PEX13: variants seen among roughly 807,000 people sequenced by gnomAD.
The protein encoded by PEX13 is peroxisomal biogenesis factor 13.
In PEX13, 28 loss-of-function variants were observed where a neutral mutation model predicts 34.5. The ratio of observed to expected loss-of-function variants is 0.81; its 90% CI spans 0.60 to 1.11. The LOEUF (loss-of-function observed/expected upper bound fraction) is 1.11, where lower values mean the gene tolerates loss of function less well. PEX13 is among the 50% of genes most tolerant of loss of function. The pLI is 0.00. For missense variants in PEX13, 550 were observed against 491.0 expected, an observed-to-expected ratio of 1.12 and a Z score of -1.13; for synonymous variants, 177 against 175.1, an observed-to-expected ratio of 1.01 and a Z score of -0.09.
intron 2 of PEX13, among the ~76,000 whole-genome samples, chr2:61,035,507 G>C (rs1298395183): frequency 1.3e-5 from 2 of 152,144 alleles, no homozygotes; most frequent in Non-Finnish European, 2.9e-5. Flanking sequence ...CCAAAGGTTG[G>C]TAATAACAAA....
intron 2 of PEX13, among the ~76,000 whole-genome samples, chr2:61,040,840 TAAA>T (rs1421457532): frequency 6.8e-6 from 1 of 147,860 alleles, no homozygotes; most frequent in Non-Finnish European, 1.5e-5. Flanking sequence ...TGTATATATA[TAAA>T]AAAGTATATA....
At chr2:61,027,717 C>A (rs1455308134) in intron 1 of PEX13, among the ~76,000 whole-genome samples, 2 of 152,178 alleles carry the variant, frequency 1.3e-5, no homozygotes, top group African/African-American at 2.4e-5. Context: ...TGTTTAGTTT[C>A]TCTTCCATAA....
intron 2 of PEX13, among the ~76,000 whole-genome samples, chr2:61,036,812 C>G (rs766733613): frequency 6.6e-6 from 1 of 152,182 alleles, no homozygotes; most frequent in South Asian, 2.1e-4. Flanking sequence ...GCTAAATGCC[C>G]CAATTAAAAG....
intron 2 of PEX13, among the ~76,000 whole-genome samples, chr2:61,044,559 T>C (rs1470931512): frequency 6.6e-6 from 1 of 152,156 alleles, no homozygotes; most frequent in Non-Finnish European, 1.5e-5. Context: ...GCTAATTTTG[T>C]ATTTTTAGTA....
chr2:61,019,556 ATT>A (rs1473244950), intron 1 of PEX13, among the ~76,000 whole-genome samples: 4 of 152,106 alleles, frequency 2.6e-5, no homozygotes, highest in Non-Finnish European at 4.4e-5. Context: ...TTTCATTTGC[ATT>A]TAATCCACAT....
At chr2:61,036,130 T>C (rs1340781108) in intron 2 of PEX13, among the ~76,000 whole-genome samples, 3 of 152,012 alleles carry the variant, frequency 2.0e-5, no homozygotes, top group African/African-American at 7.3e-5. Flanking sequence ...TACGGGACTA[T>C]GTGAAAAGAC....
chr2:61,031,597 G>A lies in PEX13; in HGVS notation c.271G>A (p.Gly91Arg). The change falls in exon 2 of 4, where the codon GGA (glycine) becomes AGA (arginine). Residue 91 changes from glycine (G) to arginine (R), a missense_variant. By Grantham distance (125) the Gly-to-Arg change is moderately radical. Coordinates refer to ENST00000295030, the MANE Select transcript of PEX13 (RefSeq NM_002618.4). ...GYGAYGNSFY[G>R]GYSPYSYGYN... ...TGGTGCCTATGGAAATTCATTTTAT[G>A]GAGGCTATAGTCCTTATAGTTATGG... is the stretch of plus-strand genomic sequence containing the variant. 6.2e-7 allele frequency: 1 copy of A among 1,614,166 alleles called. No individual in the cohort carries two copies.
At chr2:61,030,028 C>T (rs1192761712) in intron 1 of PEX13, among the ~76,000 whole-genome samples, 3 of 152,024 alleles carry the variant, frequency 2.0e-5, no homozygotes, top group African/African-American at 4.8e-5. Context: ...AGGACTTGAG[C>T]ATTCATGGAT....
rs1181627618 is a variant in PEX13 at position 61,048,729 on chromosome 2, C to G, written c.1171C>G (p.Pro391Ala). ...TGAAACTAATAAGGTTCCAGTTGCA[C>G]CTGATTCCATTGGGAAAGATGGAGA... ...FVETNKVPVAPDSIGKDGEKQ... is the reference protein window; with the variant it reads ...FVETNKVPVAADSIGKDGEKQ... Residue 391 changes from proline to alanine, a missense_variant, in exon 4 of 4, where the codon CCT (proline) becomes GCT (alanine). Pro to Ala is a conservative substitution (Grantham distance 27). Transcript: ENST00000295030. The G allele has an allele frequency of 6.2e-7, 1 of 1,613,996 alleles. No homozygotes were observed. Among genetic ancestry groups the G allele is most frequent in the African/African-American group, 1.3e-5 (1 of 75,028 alleles).
chr2:61,025,913 C>T (rs900025339), intron 1 of PEX13, among the ~76,000 whole-genome samples: 1 of 152,180 alleles, frequency 6.6e-6, no homozygotes, highest in Non-Finnish European at 1.5e-5. Context: ...AGGTCCCAAT[C>T]TGAAGTGTGA....
intron 2 of PEX13, among the ~76,000 whole-genome samples, chr2:61,040,561 G>T (rs1680606136): frequency 6.6e-6 from 1 of 151,886 alleles, no homozygotes; most frequent in African/African-American, 2.4e-5. Flanking sequence ...ACAGGGCAGG[G>T]AGCATCACAC....
At chr2:61,033,369 A>G (rs1489249857) in intron 2 of PEX13, among the ~76,000 whole-genome samples, 1 of 152,238 alleles carries the variant, frequency 6.6e-6, no homozygotes, top group Non-Finnish European at 1.5e-5. Context: ...AATGAGGTAT[A>G]TAAAGGCAAA....
At chr2:61,023,990 T>C (rs554985831) in intron 1 of PEX13, among the ~76,000 whole-genome samples, 55 of 152,126 alleles carry the variant, frequency 3.6e-4, no homozygotes, top group African/African-American at 1.3e-3. Flanking sequence ...AGAGATGGGT[T>C]TTTACCATGT....
chr2:61,043,399 A>G (rs56300253), intron 2 of PEX13, among the ~76,000 whole-genome samples: 9,865 of 151,984 alleles, frequency 0.065, 1,098 homozygotes, highest in African/African-American at 0.23. Context: ...TTATTTGAGA[A>G]ATCAATGGTG....
chr2:61,035,698 C>T (rs949490555), intron 2 of PEX13, among the ~76,000 whole-genome samples: 10 of 152,008 alleles, frequency 6.6e-5, no homozygotes, highest in South Asian at 4.1e-4. Flanking sequence ...ATAGCTGATT[C>T]AATGGCCAGG....
intron 1 of PEX13, among the ~76,000 whole-genome samples, chr2:61,024,984 T>A (rs984293070): frequency 6.6e-6 from 1 of 152,232 alleles, no homozygotes; most frequent in Non-Finnish European, 1.5e-5. Context: ...CACAGTTGTT[T>A]AAAGTTTCTG....
intron 2 of PEX13, among the ~76,000 whole-genome samples, chr2:61,032,730 GA>G (rs1244645044): frequency 6.6e-6 from 1 of 152,148 alleles, no homozygotes; most frequent in Non-Finnish European, 1.5e-5. Context: ...GCTCACTTTA[GA>G]AAAGAGAAGC....
At chr2:61,043,513 A>G (rs2104811284) in intron 2 of PEX13, among the ~76,000 whole-genome samples, 1 of 152,330 alleles carries the variant, frequency 6.6e-6, no homozygotes, top group Non-Finnish European at 1.5e-5. Flanking sequence ...TACAACCTGA[A>G]TCTGCTAAGA....
chr2:61,043,878 A>G (rs904033066), intron 2 of PEX13, among the ~76,000 whole-genome samples: 2 of 152,214 alleles, frequency 1.3e-5, no homozygotes, highest in Non-Finnish European at 2.9e-5. Flanking sequence ...TTTTCTGAAC[A>G]GAACTCCTTT....
Sources: allele counts gnomAD v4.1 joint callset (sites outside exome capture counted in the v4.1 genomes callset), GRCh38; gene constraint gnomAD v4.1.1; transcripts MANE v1.5; gene names NCBI Gene and HGNC (gene_info 2026-07-23, HGNC 2026-07-21).